Variants in CNN1 observed in about 807,000 individuals in gnomAD.
CNN1 encodes the protein calponin-1.
In CNN1, 21 loss-of-function variants were observed where a neutral mutation model predicts 35.3. The observed-to-expected ratio is 0.60, with a 90% confidence interval of 0.42 to 0.86. CNN1 has a LOEUF of 0.86. Among genes scored for constraint, CNN1 ranks in the 40% least tolerant of loss-of-function variants. The probability of loss-of-function intolerance (pLI) is 0.00; values close to 1 mark genes in which losing one functional copy is unlikely to be tolerated. For missense variants in CNN1, 314 were observed against 400.8 expected (o/e 0.78, Z 1.85); for synonymous variants, 164 against 161.8 (o/e 1.01, Z -0.10).
At chr19:11,541,051 G>A (rs1434247719) in intron 1 of CNN1, 25 bp from the exon 2 acceptor site, 1 of 1,581,856 alleles carries the variant, frequency 6.3e-7, no homozygotes, top group Non-Finnish European at 8.6e-7. Context: ...CTTTCTCTGT[G>A]CCCCCTGCCC....
At chr19:11,544,592 C>G (rs1419127582) in intron 2 of CNN1, among the ~76,000 whole-genome samples, 2 of 151,954 alleles carry the variant, frequency 1.3e-5, no homozygotes, top group Non-Finnish European at 2.9e-5. Flanking sequence ...CCACCCCAGC[C>G]TCTTCAGCCC....
chr19:11,542,394 T>C (rs1051644177), intron 2 of CNN1, among the ~76,000 whole-genome samples: 40 of 151,388 alleles, frequency 2.6e-4, no homozygotes, highest in Middle Eastern at 3.4e-3. Flanking sequence ...GATTTTGCCA[T>C]GTTGGCCTGG....
At chr19:11,539,024 A>G in intron 1 of CNN1, 34 bp downstream of exon 1, 1 of 1,524,308 alleles carries the variant, frequency 6.6e-7, no homozygotes, top group Non-Finnish European at 8.9e-7. Context: ...CCTGGCCCAC[A>G]CGTCCTGCCA....
At chr19:11,541,243 C>G in intron 2 of CNN1, 46 bp downstream of exon 2, 1 of 1,498,796 alleles carries the variant, frequency 6.7e-7, no homozygotes, top group Non-Finnish European at 8.9e-7. Context: ...TCCCCCAACT[C>G]CATGCAGCCC....
At chr19:11,540,971 G>C in intron 1 of CNN1, 105 bp from the exon 2 acceptor site, 1 of 1,269,434 alleles carries the variant, frequency 7.9e-7, no homozygotes, top group Non-Finnish European at 1.1e-6. Context: ...GGAAGGACGA[G>C]GGAGATCAGG....
In CNN1 at chr19:11,549,280, G is replaced by A; in HGVS notation, c.502-43G>A. ...TCAGCTATGCCTCATGGCCCATGAT[G>A]AGGTCTGTAATTATTGGTGTGATTC... On this transcript the variant is annotated intron_variant, in intron 5 of 6. Transcript: ENST00000252456. This position sits in a 1 kb window ranked among gnomAD's most constrained non-coding sequence, Gnocchi z 5.2. 1 of 1,605,624 alleles carries A rather than the reference G, an allele frequency of 6.2e-7. No individual in the cohort carries two copies. Among genetic ancestry groups the A allele is most frequent in the Non-Finnish European group, 8.5e-7 (1 of 1,173,050 alleles).
At position 11,549,515 on chromosome 19, in the gene CNN1, G is replaced by A. The variant is rs1599612447; in HGVS notation, c.649-35G>A. The A allele has an allele frequency of 6.2e-7, 1 of 1,606,728 alleles. No individual in the cohort carries two copies. Among genetic ancestry groups the A allele is most frequent in the East Asian group, 2.2e-5 (1 of 44,672 alleles). ...CACGCCGTCAAGGCCCAGGACCCTG[G>A]CCACCCCACGGCCTGACCACACCAC... On this transcript the variant is annotated intron_variant, in intron 6 of 6. Coordinates refer to ENST00000252456, the MANE Select transcript of CNN1 (RefSeq NM_001299.6). The surrounding 1 kb of genome is among the most constrained non-coding windows in gnomAD (Gnocchi z 5.2).
At position 11,548,107 on chromosome 19, in the gene CNN1, G is replaced by A. The variant is rs963576427; in HGVS notation, c.501+200G>A. 9.9e-5 allele frequency among the ~76,000 whole-genome samples: 15 copies of A among 152,110 alleles called. 1 individual carries two copies. Among genetic ancestry groups the A allele is most frequent in the South Asian group, 6.2e-4 (3 of 4,824 alleles). On this transcript the variant is annotated intron_variant, in intron 5 of 6. Transcript: ENST00000252456. Reference sequence around the variant, plus strand: ...TGCTTGTTATCAACATACCCTTTCCGCAGATGAGAAAACTGAGACCCGGAG... The same window carrying A: ...TGCTTGTTATCAACATACCCTTTCCACAGATGAGAAAACTGAGACCCGGAG...
Position 11,541,075 on chromosome 19 carries a change from G to C in CNN1, c.64-1G>C. 6.2e-7 allele frequency: 1 copy of C among 1,606,262 alleles called. No individual in the cohort carries two copies. ...TGCCCCCTGCCCTCCCCTCGCCCCAGCTGGCCCAGAAGTATGACCACCAGC... is the reference window on the plus strand; with the variant it reads ...TGCCCCCTGCCCTCCCCTCGCCCCACCTGGCCCAGAAGTATGACCACCAGC... On this transcript the variant is annotated splice_acceptor_variant, in intron 1 of 6. Transcript: ENST00000252456. LOFTEE classifies it high-confidence loss of function.
Position 11,540,144 on chromosome 19 carries a change from G to C in CNN1, c.64-932G>C, listed in dbSNP as rs916482878. The C allele has an allele frequency of 1.7e-4, 132 of 774,394 alleles. 1 individual carries two copies. Among genetic ancestry groups the C allele is most frequent in the Non-Finnish European group, 2.0e-4 (128 of 630,528 alleles). 48.0% of individuals were successfully genotyped at this position (774,394 alleles called of 1,614,324 possible). ...AGGGTTCTGGAGAAATGGGAGTGGA[G>C]TGGGGGAGGGGGGGGACAGTGGAGA... On this transcript the variant is annotated intron_variant, in intron 1 of 6. Coordinates refer to ENST00000252456, the MANE Select transcript of CNN1 (RefSeq NM_001299.6).
chr19:11,549,871 G>C lies in CNN1; in HGVS notation c.*76G>C. ...TGGCTGGACCCAGCCAGGCCCAGCC[G>C]ACCCCCTCTCCCTGCATGGCATCCT... On this transcript the variant is annotated 3_prime_UTR_variant, in exon 7 of 7. Coordinates refer to ENST00000252456, the MANE Select transcript of CNN1 (RefSeq NM_001299.6). This position sits in a 1 kb window ranked among gnomAD's most constrained non-coding sequence, Gnocchi z 5.2. 1.3e-6 allele frequency: 2 copies of C among 1,531,468 alleles called. No homozygotes were observed. The highest frequency in any genetic ancestry group is 8.8e-7 in the Non-Finnish European group (1 of 1,133,318). 94.9% of individuals were successfully genotyped at this position (1,531,468 alleles called of 1,614,324 possible).
intron 2 of CNN1, among the ~76,000 whole-genome samples, chr19:11,542,405 C>G (rs1242325629): frequency 2.0e-5 from 3 of 151,390 alleles, no homozygotes; most frequent in Non-Finnish European, 2.9e-5. Flanking sequence ...GTTGGCCTGG[C>G]TGGTCTCGAA....
intron 2 of CNN1, among the ~76,000 whole-genome samples, chr19:11,545,741 G>A (rs1188155136): frequency 1.4e-5 from 2 of 147,074 alleles, no homozygotes; most frequent in African/African-American, 5.1e-5. Flanking sequence ...GATCGCTTGA[G>A]CCCAGGAGTT....
At chr19:11,540,148 GGGA>G in intron 1 of CNN1, 9 of 739,532 alleles carry the variant, frequency 1.2e-5, no homozygotes, top group Non-Finnish European at 1.0e-5. Context: ...AGTGGAGTGG[GGGA>G]GGGGGGGGAC....
chr19:11,546,504 T>TG (rs1212018006), intron 2 of CNN1, among the ~76,000 whole-genome samples, 171 bp from the exon 3 acceptor site: 2 of 151,948 alleles, frequency 1.3e-5, no homozygotes, highest in Non-Finnish European at 2.9e-5. Context: ...CCTGGCTAAT[T>TG]TTTGTATTTT....
At chr19:11,545,836 C>T (rs1029898155) in intron 2 of CNN1, among the ~76,000 whole-genome samples, 3 of 145,526 alleles carry the variant, frequency 2.1e-5, no homozygotes, top group African/African-American at 7.7e-5. Flanking sequence ...CATGGTGGTG[C>T]GCACCTGTGA....
intron 2 of CNN1, among the ~76,000 whole-genome samples, chr19:11,544,515 G>A (rs569948648): frequency 2.0e-5 from 3 of 151,978 alleles, no homozygotes; most frequent in Admixed American, 2.0e-4. Flanking sequence ...TCTGGTGCCC[G>A]GGCTGGAGTA....
intron 1 of CNN1, chr19:11,539,634 G>C (rs1162831094): frequency 1.4e-6 from 1 of 736,198 alleles, no homozygotes; most frequent in East Asian, 6.7e-5. Context: ...CTCCCAGCTG[G>C]AGAACTTTAA....
chr19:11,546,738 C>A lies in CNN1; in HGVS notation c.249C>A (p.His83Gln). The change falls in exon 3 of 7, where the codon CAC (histidine) becomes CAA (glutamine). Residue 83 changes from histidine (H) to glutamine (Q), a missense_variant. His to Gln is a conservative substitution (Grantham distance 24, BLOSUM62 0). Transcript: ENST00000252456. ...KKINESTQNW[H>Q]QLENIGNFIK... ...TCAATGAGTCAACCCAAAATTGGCA[C>A]CAGGTGAGCCCAGACACAATCTCTT... 21 of 1,614,192 alleles carry A rather than the reference C, an allele frequency of 1.3e-5. No individual in the cohort carries two copies. The highest frequency in any genetic ancestry group is 1.8e-5 in the Non-Finnish European group (21 of 1,180,026).
Sources: allele counts gnomAD v4.1 joint callset (sites outside exome capture counted in the v4.1 genomes callset), GRCh38; gene constraint gnomAD v4.1.1; non-coding constraint Gnocchi (gnomAD v3.1); transcripts MANE v1.5; gene names NCBI Gene and HGNC (gene_info 2026-07-23, HGNC 2026-07-21).